Variants in PEX7 observed in about 807,000 individuals in gnomAD.
PEX7 encodes peroxisomal biogenesis factor 7.
In PEX7, 34 loss-of-function variants were observed where a neutral mutation model predicts 47.5. That is an observed-to-expected ratio of 0.72 (90% CI 0.54 to 0.95). The LOEUF (loss-of-function observed/expected upper bound fraction) is 0.95. PEX7 is among the 40% of genes least tolerant of loss of function. The pLI is 0.00. For missense variants in PEX7, 394 were observed against 400.3 expected (o/e 0.98, Z 0.13); for synonymous variants, 141 against 148.8 (o/e 0.95, Z 0.38).
At chr6:136,857,922 A>G (rs1774890379) in intron 5 of PEX7, among the ~76,000 whole-genome samples, 1 of 152,134 alleles carries the variant, frequency 6.6e-6, no homozygotes, top group Non-Finnish European at 1.5e-5. Flanking sequence ...CCTGGGCTCA[A>G]ACAATCCTCC....
intron 6 of PEX7, among the ~76,000 whole-genome samples, chr6:136,867,798 C>CAAA (rs535561957): frequency 0.038 from 5,038 of 131,224 alleles, 305 homozygotes; most frequent in African/African-American, 0.13. Context: ...ACAACAACAA[C>CAAA]AAAAAACTTT....
At chr6:136,882,751 C>T (rs544209572) in intron 8 of PEX7, among the ~76,000 whole-genome samples, 17 of 152,226 alleles carry the variant, frequency 1.1e-4, no homozygotes, top group African/African-American at 4.1e-4. Context: ...CTATATCTCT[C>T]TATATCTTTA....
At chr6:136,884,834 T>C (rs1342643) in intron 8 of PEX7, among the ~76,000 whole-genome samples, 14,931 of 152,202 alleles carry the variant, frequency 0.098, 835 homozygotes, top group Admixed American at 0.14. Context: ...TGGTGGACAA[T>C]ATAGTCTATC....
intron 3 of PEX7, among the ~76,000 whole-genome samples, chr6:136,836,895 G>A (rs1360294784): frequency 6.6e-6 from 1 of 152,184 alleles, no homozygotes; most frequent in Non-Finnish European, 1.5e-5. Context: ...AGAGTTTGCA[G>A]TGAGTGAAAT....
chr6:136,846,994 C>T (rs1164812199), intron 5 of PEX7, among the ~76,000 whole-genome samples: 2 of 152,188 alleles, frequency 1.3e-5, no homozygotes, highest in Admixed American at 6.5e-5. Flanking sequence ...CACATCCTCT[C>T]CAGCACCTGT....
In PEX7 at chr6:136,900,680, TG is replaced by T; in HGVS notation, c.903+2442del. 2.9e-6 allele frequency: 1 copy of T among 344,776 alleles called. No homozygotes were observed. 21.4% of individuals were successfully genotyped at this position (344,776 alleles called of 1,614,324 possible). ...GCAGGCAGGAAGACAACCAGCTTGA[TG>T]GGATCCACGTCATGTGCAGTCACCG... On this transcript the variant is annotated intron_variant, in intron 9 of 9. Transcript: ENST00000318471. The surrounding 1 kb of genome is among the most constrained non-coding windows in gnomAD (Gnocchi z 4.2).
chr6:136,822,867 C>A (rs1447435629), intron 1 of PEX7, 72 bp downstream of exon 1: 32 of 1,224,558 alleles, frequency 2.6e-5, no homozygotes, highest in South Asian at 3.5e-5. Flanking sequence ...TCCAGTTCCT[C>A]GCGCTCGAGG....
intron 8 of PEX7, among the ~76,000 whole-genome samples, chr6:136,876,633 C>A (rs1223110851): frequency 6.6e-6 from 1 of 152,152 alleles, no homozygotes; most frequent in Admixed American, 6.5e-5. Context: ...AATGATGTTT[C>A]CAGCTTCATC....
rs774934541 is a variant in PEX7, at chr6:136,902,897, G to A, written c.903+4656G>A. Among the ~76,000 whole-genome samples, 27 of 151,990 alleles carry A rather than the reference G, an allele frequency of 1.8e-4. 1 individual carries two copies. The highest frequency in any genetic ancestry group is 3.4e-4 in the Non-Finnish European group (23 of 67,986). On this transcript the variant is annotated intron_variant, in intron 9 of 9. Transcript: ENST00000318471. ...TATTTTAATCTCTTTTAAAGTAAAC[G>A]CTACCACTTTCAGATGTCGCTGCTG... is the stretch of plus-strand genomic sequence containing the variant.
At chr6:136,853,005 C>T (rs1301972490) in intron 5 of PEX7, among the ~76,000 whole-genome samples, 1 of 136,508 alleles carries the variant, frequency 7.3e-6, no homozygotes, top group African/African-American at 2.8e-5. Context: ...GAAATAATGC[C>T]ACATATCTAC....
intron 5 of PEX7, among the ~76,000 whole-genome samples, chr6:136,865,584 C>T (rs1157909166): frequency 1.3e-5 from 2 of 152,174 alleles, no homozygotes; most frequent in Non-Finnish European, 2.9e-5. Flanking sequence ...CAGGCGTGAG[C>T]CACCACGCCT....
chr6:136,912,940 C>T (rs1053563203), intron 9 of PEX7, among the ~76,000 whole-genome samples: 1 of 152,150 alleles, frequency 6.6e-6, no homozygotes, highest in African/African-American at 2.4e-5. Flanking sequence ...AGTGGGAATG[C>T]CATGGCATTG....
intron 7 of PEX7, among the ~76,000 whole-genome samples, chr6:136,871,627 C>T (rs918867972): frequency 2.0e-5 from 3 of 152,074 alleles, no homozygotes; most frequent in South Asian, 2.1e-4. Context: ...GGCATGATCT[C>T]GGCTCACTGC....
At chr6:136,825,187 G>A in intron 1 of PEX7, 27 bp from the exon 2 acceptor site, 1 of 1,600,636 alleles carries the variant, frequency 6.2e-7, no homozygotes, top group Non-Finnish European at 8.6e-7. Context: ...GGTTCAAAGG[G>A]ATGACCTTGA....
In PEX7 at chr6:136,830,203, A is replaced by G. The variant is rs1005658499; in HGVS notation, c.339+3734A>G. On this transcript the variant is annotated intron_variant, in intron 3 of 9. Transcript: ENST00000318471. The stretch of plus-strand genomic sequence containing the variant: ...CTAAACTTGAGTGTTTTTATTTGCA[A>G]ACTAAGTTTATTAGTAGTCTGTATC... The G allele has an allele frequency of 1.2e-5, 7 of 602,010 alleles. No individual in the cohort carries two copies. In the African/African-American group the frequency reaches 1.3e-4, roughly 11 times the overall value. 37.3% of individuals were successfully genotyped at this position (602,010 alleles called of 1,614,324 possible). A position where few individuals can be genotyped will look rare whatever the true frequency, so the allele number is the denominator to read the frequency against.
chr6:136,872,194 G>A lies in PEX7; in HGVS notation c.748-4G>A. 7.1e-7 allele frequency: 1 copy of A among 1,414,320 alleles called. No homozygotes were observed. The highest frequency in any genetic ancestry group is 9.4e-7 in the Non-Finnish European group (1 of 1,065,148). 87.6% of individuals were successfully genotyped at this position (1,414,320 alleles called of 1,614,324 possible). A position where few individuals can be genotyped will look rare whatever the true frequency, so the allele number is the denominator to read the frequency against. ...GGGTTTTTTTTTTCTTTTTTTTTTT[G>A]TAGTTTTCACCATTTCATGCTTCTG... On this transcript the variant is annotated splice_polypyrimidine_tract_variant and splice_region_variant and intron_variant, in intron 7 of 9. Transcript: ENST00000318471.
At chr6:136,840,508 T>A (rs79921051) in intron 3 of PEX7, among the ~76,000 whole-genome samples, 1 of 151,722 alleles carries the variant, frequency 6.6e-6, no homozygotes, top group Admixed American at 6.6e-5. Flanking sequence ...GATGCTAAGT[T>A]GGAGCTACAT....
chr6:136,862,132 TCTCAG>T (rs1774978212), intron 5 of PEX7, among the ~76,000 whole-genome samples: 1 of 148,924 alleles, frequency 6.7e-6, no homozygotes, highest in Non-Finnish European at 1.5e-5. Flanking sequence ...AGGGGCGTGA[TCTCAG>T]CTCACTGCAA....
intron 5 of PEX7, among the ~76,000 whole-genome samples, chr6:136,865,199 C>T (rs1775037698): frequency 6.6e-6 from 1 of 152,024 alleles, no homozygotes; most frequent in Admixed American, 6.5e-5. Flanking sequence ...ACCTGTAATC[C>T]CAGTACTTTG....
Sources: gnomAD v4.1 joint callset for allele counts (sites outside exome capture counted in the v4.1 genomes callset) on GRCh38, gnomAD v4.1.1 for gene constraint, Gnocchi (gnomAD v3.1) non-coding constraint, MANE v1.5 for transcripts, NCBI Gene and HGNC (gene_info 2026-07-23, HGNC 2026-07-21) for gene names.